Variants in ADAMTS12 observed in about 807,000 individuals in gnomAD.
ADAMTS12 encodes the protein A disintegrin and metalloproteinase with thrombospondin motifs 12.
In ADAMTS12, 118 loss-of-function variants were observed where a neutral mutation model predicts 167.8. The ratio of observed to expected loss-of-function variants is 0.70; its 90% confidence interval spans 0.61 to 0.82. The LOEUF (loss-of-function observed/expected upper bound fraction) is 0.82, where lower values mean the gene tolerates loss of function less well. Among genes scored for constraint, ADAMTS12 ranks in the 40% least tolerant of loss-of-function variants. ADAMTS12 has a pLI of 0.00. For synonymous variants in ADAMTS12, 704 were observed against 716.9 expected (o/e 0.98, Z 0.29); for missense variants, 1,916 against 1,998.8 (o/e 0.96, Z 0.79).
chr5:33,558,860 T>C (rs1745604854), intron 20 of ADAMTS12, among the ~76,000 whole-genome samples: 1 of 151,962 alleles, frequency 6.6e-6, no homozygotes, highest in African/African-American at 2.4e-5. Flanking sequence ...TTTCAGATCC[T>C]GAGTTTGTTA....
At chr5:33,760,213 A>C (rs2112407007) in intron 2 of ADAMTS12, among the ~76,000 whole-genome samples, 1 of 152,292 alleles carries the variant, frequency 6.6e-6, no homozygotes, top group East Asian at 1.9e-4. Context: ...GATATAGAGA[A>C]GTACTAGTAA....
intron 11 of ADAMTS12, among the ~76,000 whole-genome samples, chr5:33,639,085 A>G (rs1740332107): frequency 6.6e-6 from 1 of 152,120 alleles, no homozygotes; most frequent in Admixed American, 6.6e-5. Context: ...TCTGAGCCTC[A>G]GTTTTTTTTC....
intron 3 of ADAMTS12, among the ~76,000 whole-genome samples, chr5:33,749,640 T>C (rs1190219288): frequency 6.6e-6 from 1 of 152,144 alleles, no homozygotes; most frequent in Non-Finnish European, 1.5e-5. Context: ...GCAAAGATTG[T>C]ATGGCATTAA....
intron 3 of ADAMTS12, among the ~76,000 whole-genome samples, chr5:33,703,424 C>G (rs188643011): frequency 1.1e-3 from 175 of 152,252 alleles, no homozygotes; most frequent in African/African-American, 4.1e-3. Flanking sequence ...AATATAAGAT[C>G]TGCTCTTTTA....
chr5:33,788,712 C>T (rs1746424990), intron 2 of ADAMTS12, among the ~76,000 whole-genome samples: 1 of 152,184 alleles, frequency 6.6e-6, no homozygotes, highest in Non-Finnish European at 1.5e-5. Context: ...GGCTATTCAA[C>T]AGGAGGAAGT....
chr5:33,757,649 A>C (rs1189368511), intron 2 of ADAMTS12, among the ~76,000 whole-genome samples: 1 of 152,194 alleles, frequency 6.6e-6, no homozygotes, highest in South Asian at 2.1e-4. Context: ...CCTTTGTTGG[A>C]AAATGGACAA....
intron 6 of ADAMTS12, among the ~76,000 whole-genome samples, chr5:33,660,279 T>A (rs1206959017): frequency 2.0e-5 from 3 of 152,126 alleles, no homozygotes; most frequent in Non-Finnish European, 4.4e-5. Flanking sequence ...GCTGTTGGGG[T>A]CAAACTACCT....
intron 23 of ADAMTS12, among the ~76,000 whole-genome samples, chr5:33,529,779 A>G (rs1744006341): frequency 6.6e-6 from 1 of 152,290 alleles, no homozygotes; most frequent in African/African-American, 2.4e-5. Flanking sequence ...AGGAATTGGT[A>G]ACATATAATG....
intron 2 of ADAMTS12, among the ~76,000 whole-genome samples, chr5:33,772,905 CTG>C (rs1297668892): frequency 1.3e-5 from 2 of 152,328 alleles, no homozygotes; most frequent in East Asian, 3.9e-4. Flanking sequence ...AGATCCCACA[CTG>C]TGGATGCACA....
intron 2 of ADAMTS12, among the ~76,000 whole-genome samples, chr5:33,759,056 A>G (rs1307952958): frequency 6.6e-6 from 1 of 152,138 alleles, no homozygotes; most frequent in Non-Finnish European, 1.5e-5. Context: ...GAATTAATCA[A>G]TTTCTCTTTT....
intron 18 of ADAMTS12, among the ~76,000 whole-genome samples, chr5:33,586,467 A>G (rs184043430): frequency 6.6e-6 from 1 of 152,342 alleles, no homozygotes; most frequent in African/African-American, 2.4e-5. Context: ...TGACTATGCA[A>G]TGGCCTACAT....
intron 21 of ADAMTS12, among the ~76,000 whole-genome samples, 158 bp from the exon 22 acceptor site, chr5:33,546,360 T>G (rs1265327500): frequency 1.3e-5 from 2 of 149,524 alleles, no homozygotes; most frequent in African/African-American, 2.5e-5. Flanking sequence ...TTCCTTACAA[T>G]GACCACTCAC....
chr5:33,836,927 T>C (rs200731895), intron 2 of ADAMTS12, among the ~76,000 whole-genome samples: 8 of 151,948 alleles, frequency 5.3e-5, no homozygotes, highest in South Asian at 2.1e-4. Context: ...TTTTTTTTTT[T>C]CTTTACAGGC....
intron 2 of ADAMTS12, among the ~76,000 whole-genome samples, chr5:33,837,125 A>G (rs1446762817): frequency 2.0e-5 from 3 of 152,022 alleles, no homozygotes; most frequent in Non-Finnish European, 4.4e-5. Flanking sequence ...TGTGCTTTAA[A>G]AAAGTCCCTC....
chr5:33,825,319 A>T (rs917836776), intron 2 of ADAMTS12, among the ~76,000 whole-genome samples: 2 of 152,174 alleles, frequency 1.3e-5, no homozygotes, highest in Admixed American at 6.5e-5. Flanking sequence ...ATCCAAGAAC[A>T]CAGAGTACGT....
At chr5:33,825,067 T>A (rs1313280527) in intron 2 of ADAMTS12, among the ~76,000 whole-genome samples, 1 of 152,180 alleles carries the variant, frequency 6.6e-6, no homozygotes, top group Non-Finnish European at 1.5e-5. Flanking sequence ...CCACTAAGAT[T>A]TGGCAGCTGT....
intron 2 of ADAMTS12, among the ~76,000 whole-genome samples, chr5:33,854,484 G>C (rs1269997305): frequency 6.6e-6 from 1 of 152,094 alleles, no homozygotes; most frequent in Non-Finnish European, 1.5e-5. Flanking sequence ...TAGAGAATCT[G>C]GCCTCTTTCC....
intron 22 of ADAMTS12, among the ~76,000 whole-genome samples, chr5:33,542,554 A>G (rs1325801323): frequency 1.3e-5 from 2 of 152,238 alleles, no homozygotes; most frequent in Non-Finnish European, 2.9e-5. Flanking sequence ...AATCAACAGA[A>G]GATACATTCT....
At chr5:33,795,616 A>T (rs551237345) in intron 2 of ADAMTS12, among the ~76,000 whole-genome samples, 1 of 152,304 alleles carries the variant, frequency 6.6e-6, no homozygotes, top group South Asian at 2.1e-4. Flanking sequence ...AGCGGTGGTG[A>T]ATGGACAGAC....
Sources: allele counts gnomAD v4.1 joint callset (sites outside exome capture counted in the v4.1 genomes callset), GRCh38; gene constraint gnomAD v4.1.1; transcripts MANE v1.5; gene names NCBI Gene and HGNC (gene_info 2026-07-23, HGNC 2026-07-21).